ZNF331: variants seen among roughly 807,000 people sequenced by gnomAD.
The protein encoded by ZNF331 is C2H2-like zinc finger protein rearranged in thyroid adenomas.
A neutral mutation model predicts 7.0 loss-of-function variants in ZNF331; 2 were observed. The ratio of observed to expected loss-of-function variants is 0.29; its 90% CI spans 0.12 to 0.90. ZNF331 has a LOEUF of 0.90. ZNF331 is among the 40% of genes least tolerant of loss of function. The pLI, the probability that ZNF331 is intolerant of heterozygous loss-of-function variation, is 0.58. For synonymous variants in ZNF331, 196 were observed against 205.4 expected, an observed-to-expected ratio of 0.95 and a Z score of 0.39; for missense variants, 432 against 587.7, an observed-to-expected ratio of 0.74 and a Z score of 2.74.
chr19:53,514,480 C>T, the ZNF331 span, among the ~76,000 whole-genome samples: 2 of 152,134 alleles, frequency 1.3e-5, no homozygotes, highest in South Asian at 2.1e-4. Flanking sequence ...GGATTACAGG[C>T]GTGAGCCACC....
At chr19:53,569,282 A>G (rs1167880635) in intron 3 of ZNF331, 22 bp from the exon 4 acceptor site, 8 of 1,436,314 alleles carry the variant, frequency 5.6e-6, no homozygotes, top group Admixed American at 1.8e-5. Flanking sequence ...CCTCGTTTTA[A>G]TCTCTTTTTT....
the ZNF331 span, among the ~76,000 whole-genome samples, chr19:53,507,998 A>G: frequency 6.6e-5 from 10 of 152,286 alleles, no homozygotes; most frequent in East Asian, 1.9e-3. Context: ...GTTCATCCCC[A>G]TTCAAACTAG....
upstream of ZNF331, among the ~76,000 whole-genome samples, chr19:53,516,594 C>T (rs1395704171): frequency 6.6e-6 from 1 of 152,094 alleles, no homozygotes; most frequent in Non-Finnish European, 1.5e-5. Flanking sequence ...TCCAGGATGC[C>T]TCACCTAACA....
At position 53,558,503 on chromosome 19, in the gene ZNF331, G is replaced by A. The variant is rs186400823; in HGVS notation, c.-74+2595G>A. 2.6e-5 allele frequency among the ~76,000 whole-genome samples: 4 copies of A among 152,050 alleles called. No homozygotes were observed. Among genetic ancestry groups the A allele is most frequent in the Non-Finnish European group, 5.9e-5 (4 of 68,010 alleles). ...GAAGCATGCACGAATGTGTTGAAAC[G>A]TGATTGGACAAATAAGAGTTGATTT... On this transcript the variant is annotated intron_variant, in intron 3 of 5. Transcript: ENST00000449416. This position sits in a 1 kb window ranked among gnomAD's most constrained non-coding sequence, Gnocchi z 4.5.
chr19:53,544,327 C>CCA (rs1378184418), intron 2 of ZNF331, among the ~76,000 whole-genome samples: 2 of 151,266 alleles, frequency 1.3e-5, no homozygotes, highest in African/African-American at 4.9e-5. Context: ...GGGCGGATCA[C>CCA]GAGGTCAGGA....
intron 2 of ZNF331, among the ~76,000 whole-genome samples, chr19:53,550,431 T>A (rs1414095172): frequency 6.6e-6 from 1 of 152,136 alleles, no homozygotes; most frequent in African/African-American, 2.4e-5. Flanking sequence ...TGCATACATA[T>A]CTATAATTAA....
intron 2 of ZNF331, among the ~76,000 whole-genome samples, chr19:53,549,807 C>T (rs1014162723): frequency 2.0e-5 from 3 of 151,752 alleles, no homozygotes; most frequent in African/African-American, 7.3e-5. Flanking sequence ...TCTTTAGACT[C>T]CATTTGTTCA....
chr19:53,574,286 A>C (rs2090600769), intron 5 of ZNF331, among the ~76,000 whole-genome samples: 1 of 151,818 alleles, frequency 6.6e-6, no homozygotes, highest in Non-Finnish European at 1.5e-5. Context: ...GTGAGGGAAG[A>C]GACAAGACAA....
intron 3 of ZNF331, among the ~76,000 whole-genome samples, chr19:53,563,182 G>A (rs1344968912): frequency 7.3e-6 from 1 of 136,060 alleles, no homozygotes; most frequent in African/African-American, 2.7e-5. Flanking sequence ...CCGCCTCCCG[G>A]GTTCAAGCGA....
At chr19:53,513,505 G>T in the ZNF331 span, among the ~76,000 whole-genome samples, 1 of 152,114 alleles carries the variant, frequency 6.6e-6, no homozygotes, top group African/African-American at 2.4e-5. Flanking sequence ...ACGTACAGGG[G>T]TATTTTTTTT....
At position 53,577,040 on chromosome 19, in the gene ZNF331, A is replaced by G. The variant is rs1355283312; in HGVS notation, c.480A>G (p.Glu160=). The G allele has an allele frequency of 6.2e-7, 1 of 1,613,558 alleles. No individual in the cohort carries two copies. Among genetic ancestry groups the G allele is most frequent in the Non-Finnish European group, 8.5e-7 (1 of 1,179,766 alleles). Reference sequence around the variant, plus strand: ...TCCATACTGGTGAGAAACCTTATGAATGTAAAGAATGTAAGAAGGCCTTCC... The same window carrying G: ...TCCATACTGGTGAGAAACCTTATGAGTGTAAAGAATGTAAGAAGGCCTTCC... ...QKIHTGEKPY[E]CKECKKAFRW... is the part of the protein sequence containing the mutation. The change falls in exon 6 of 6, where the codon GAA becomes GAG. Residue 160 remains glutamate, a synonymous_variant. Coordinates refer to ENST00000449416, the MANE Select transcript of ZNF331 (RefSeq NM_001079906.2).
chr19:53,547,255 T>A (rs939072033), intron 2 of ZNF331, among the ~76,000 whole-genome samples: 1 of 152,186 alleles, frequency 6.6e-6, no homozygotes, highest in Non-Finnish European at 1.5e-5. Context: ...TGAGTTGGAT[T>A]TTTTTTACAC....
the ZNF331 span, among the ~76,000 whole-genome samples, chr19:53,505,795 G>A: frequency 6.7e-6 from 1 of 149,562 alleles, no homozygotes; most frequent in Admixed American, 6.7e-5. Flanking sequence ...GACCATCCTG[G>A]CCAACATGGT....
the ZNF331 span, among the ~76,000 whole-genome samples, chr19:53,506,322 G>C: frequency 3.3e-5 from 3 of 90,772 alleles, 1 homozygote; most frequent in Non-Finnish European, 6.6e-5. Flanking sequence ...GCGACAGAGC[G>C]AGACTCCGTC....
intron 2 of ZNF331, among the ~76,000 whole-genome samples, chr19:53,529,811 C>A (rs2087460496): frequency 1.3e-5 from 2 of 152,138 alleles, no homozygotes; most frequent in Middle Eastern, 3.2e-3. Flanking sequence ...TATAACCCAG[C>A]AAGGAGGGGA....
intron 2 of ZNF331, among the ~76,000 whole-genome samples, chr19:53,523,670 G>A (rs930047481): frequency 2.6e-5 from 4 of 151,710 alleles, no homozygotes; most frequent in African/African-American, 9.7e-5. Context: ...TGATTGCTCT[G>A]CTGTGCATAA....
Position 53,577,811 on chromosome 19 carries a change from G to C in ZNF331, c.1251G>C (p.Gly417=). The C allele has an allele frequency of 6.2e-7, 1 of 1,614,078 alleles. No individual in the cohort carries two copies. Among genetic ancestry groups the C allele is most frequent in the Non-Finnish European group, 8.5e-7 (1 of 1,180,044 alleles). ...AACCCTATGGGTGTACAGAATGTGG[G>C]AAGAGCTTTAGTCACGGCCATCAGC... ...GVKPYGCTEC[G]KSFSHGHQLT... The change falls in exon 6 of 6, where the codon GGG becomes GGC. Residue 417 remains glycine, a synonymous_variant. Coordinates refer to ENST00000449416, the MANE Select transcript of ZNF331 (RefSeq NM_001079906.2).
intron 2 of ZNF331, among the ~76,000 whole-genome samples, chr19:53,543,924 A>G (rs1002851977): frequency 1.5e-4 from 23 of 152,108 alleles, no homozygotes; most frequent in Admixed American, 1.4e-3. Context: ...TTCACTTGGT[A>G]ATTCATCATA....
At chr19:53,531,221 A>G (rs1245568221) in intron 2 of ZNF331, among the ~76,000 whole-genome samples, 1 of 152,222 alleles carries the variant, frequency 6.6e-6, no homozygotes, top group East Asian at 1.9e-4. Context: ...TATTCATTAA[A>G]TGATTAGCGT....
Sources: gnomAD v4.1 joint callset for allele counts (sites outside exome capture counted in the v4.1 genomes callset) on GRCh38, gnomAD v4.1.1 for gene constraint, Gnocchi (gnomAD v3.1) non-coding constraint, MANE v1.5 for transcripts, NCBI Gene and HGNC (gene_info 2026-07-23, HGNC 2026-07-21) for gene names.